PIK3C2G: variants seen among roughly 807,000 people sequenced by gnomAD.
PIK3C2G encodes the protein phosphatidylinositol 3-kinase C2 domain-containing subunit gamma.
In PIK3C2G, 168 loss-of-function variants were observed where a neutral mutation model predicts 181.1. The ratio of observed to expected loss-of-function variants is 0.93; its 90% CI spans 0.82 to 1.05. The LOEUF is 1.05. Ranked by LOEUF, PIK3C2G falls within the 50% of genes least tolerant of loss-of-function variation. The pLI is 0.00. For missense variants in PIK3C2G, 1,869 were observed against 1,732.8 expected (o/e 1.08, Z -1.40); for synonymous variants, 573 against 592.2 (o/e 0.97, Z 0.47).
intron 8 of PIK3C2G, among the ~76,000 whole-genome samples, chr12:18,329,774 C>T (rs1307137354): frequency 6.6e-6 from 1 of 151,986 alleles, no homozygotes; most frequent in Non-Finnish European, 1.5e-5. Context: ...TGATGTTTTA[C>T]CTTTTACCCA....
At chr12:18,425,165 A>C (rs533182206) in intron 18 of PIK3C2G, 3 of 181,958 alleles carry the variant, frequency 1.6e-5, no homozygotes, top group Non-Finnish European at 3.6e-5. Flanking sequence ...CTGCTGATGG[A>C]AGCATTGGGA....
intron 32 of PIK3C2G, among the ~76,000 whole-genome samples, chr12:18,640,984 G>C (rs376807121): frequency 6.6e-6 from 1 of 152,122 alleles, no homozygotes; most frequent in Non-Finnish European, 1.5e-5. Flanking sequence ...GGAAGTTAAT[G>C]TATATTATAA....
At chr12:18,591,662 C>G (rs1947086785) in intron 29 of PIK3C2G, among the ~76,000 whole-genome samples, 2 of 151,894 alleles carry the variant, frequency 1.3e-5, no homozygotes, top group South Asian at 4.1e-4. Context: ...CAGTCAAGAG[C>G]AGTCTTACAA....
At chr12:18,272,721 A>T (rs145917515) in intron 1 of PIK3C2G, among the ~76,000 whole-genome samples, 59 of 152,264 alleles carry the variant, frequency 3.9e-4, no homozygotes, top group African/African-American at 1.3e-3. Context: ...AGCTAGTAAG[A>T]GCCTCTTTGA....
At position 18,503,278 on chromosome 12, in the gene PIK3C2G, C is replaced by T; in HGVS notation, c.3017-3C>T. On this transcript the variant is annotated splice_region_variant and splice_polypyrimidine_tract_variant and intron_variant, in intron 22 of 32. Coordinates refer to ENST00000538779, the MANE Select transcript of PIK3C2G (RefSeq NM_001288772.2). ...TCTCTGTAATCTTTTTTTTCTCTAC[C>T]AGGATTGGTGCAGATGGTACCTGAT... 1.3e-6 allele frequency: 2 copies of T among 1,584,554 alleles called. No individual in the cohort carries two copies. Among genetic ancestry groups the T allele is most frequent in the Non-Finnish European group, 1.7e-6 (2 of 1,168,514 alleles).
At chr12:18,292,225 AAAATATATATAT>A (rs1238856590) in intron 4 of PIK3C2G, among the ~76,000 whole-genome samples, 3 of 55,398 alleles carry the variant, frequency 5.4e-5, no homozygotes, top group Non-Finnish European at 1.1e-4. Context: ...AAAAAAAAAA[AAAATATATATAT>A]ATATATATAT....
chr12:18,689,402 G>A, the PIK3C2G span, among the ~76,000 whole-genome samples: 402 of 152,310 alleles, frequency 2.6e-3, 12 homozygotes, highest in Admixed American at 0.024. Context: ...GCGGCCCAAC[G>A]CAAATTCATA....
intron 31 of PIK3C2G, among the ~76,000 whole-genome samples, chr12:18,623,829 T>C (rs1948975609): frequency 6.6e-6 from 1 of 151,752 alleles, no homozygotes; most frequent in Admixed American, 6.6e-5. Flanking sequence ...ATATCCTTTT[T>C]GGAAAGTTCA....
chr12:18,435,970 A>C (rs1373681919), intron 18 of PIK3C2G, among the ~76,000 whole-genome samples: 79 of 151,726 alleles, frequency 5.2e-4, no homozygotes, highest in South Asian at 1.2e-3. Flanking sequence ...AAGTAACAAA[A>C]AAAAAAAAAA....
At chr12:18,315,217 A>G (rs1233344492) in intron 6 of PIK3C2G, among the ~76,000 whole-genome samples, 3 of 152,186 alleles carry the variant, frequency 2.0e-5, no homozygotes, top group Non-Finnish European at 1.5e-5. Context: ...AATGTGGAAC[A>G]TAACATAATG....
chr12:18,263,296 C>G (rs549524733), intron 1 of PIK3C2G, among the ~76,000 whole-genome samples: 2 of 152,134 alleles, frequency 1.3e-5, no homozygotes, highest in South Asian at 4.2e-4. Context: ...ACATTGGGGA[C>G]AGAGAAAACA....
chr12:18,380,107 A>G (rs4595599), intron 13 of PIK3C2G, among the ~76,000 whole-genome samples: 23,689 of 152,098 alleles, frequency 0.16, 2,427 homozygotes, highest in Admixed American at 0.28. Flanking sequence ...TCTGCCTTCA[A>G]CATTATGTTT....
chr12:18,342,616 A>G (rs1939248170), intron 9 of PIK3C2G, among the ~76,000 whole-genome samples: 1 of 151,938 alleles, frequency 6.6e-6, no homozygotes, highest in African/African-American at 2.4e-5. Flanking sequence ...TAGGATGTCT[A>G]TAAATCACCT....
chr12:18,713,166 G>A, the PIK3C2G span, among the ~76,000 whole-genome samples: 1 of 152,034 alleles, frequency 6.6e-6, no homozygotes, highest in Non-Finnish European at 1.5e-5. Context: ...CATTAAAAGG[G>A]AAGACACATA....
chr12:18,347,531 C>T (rs983965331), intron 11 of PIK3C2G, among the ~76,000 whole-genome samples: 1 of 152,090 alleles, frequency 6.6e-6, no homozygotes, highest in African/African-American at 2.4e-5. Context: ...AACTTTTGGC[C>T]GGGCACAGTG....
intron 9 of PIK3C2G, among the ~76,000 whole-genome samples, chr12:18,339,996 A>C (rs1297780683): frequency 6.6e-6 from 1 of 152,152 alleles, no homozygotes; most frequent in Admixed American, 6.5e-5. Flanking sequence ...CTTAATAAGG[A>C]AACACCTTCT....
At chr12:18,334,879 G>A (rs1180165543) in intron 8 of PIK3C2G, among the ~76,000 whole-genome samples, 1 of 152,048 alleles carries the variant, frequency 6.6e-6, no homozygotes, top group Non-Finnish European at 1.5e-5. Context: ...GTATATGTAT[G>A]TGTATTTGGG....
intron 29 of PIK3C2G, among the ~76,000 whole-genome samples, chr12:18,572,527 G>T (rs564819662): frequency 8.3e-4 from 125 of 151,104 alleles, no homozygotes; most frequent in African/African-American, 2.9e-3. Flanking sequence ...ATCTGGTTTT[G>T]TTTTTTTGCA....
intron 18 of PIK3C2G, among the ~76,000 whole-genome samples, chr12:18,453,739 AAGAGAG>A (rs75854302): frequency 2.0e-5 from 3 of 151,832 alleles, no homozygotes; most frequent in Non-Finnish European, 4.4e-5. Flanking sequence ...TTTCAATTAA[AAGAGAG>A]AGAGAAAGTA....
Sources: gnomAD v4.1 joint callset for allele counts (sites outside exome capture counted in the v4.1 genomes callset) on GRCh38, gnomAD v4.1.1 for gene constraint, MANE v1.5 for transcripts, NCBI Gene and HGNC (gene_info 2026-07-23, HGNC 2026-07-21) for gene names.